The following RGS8 variants were observed in gnomAD, a reference collection of about 807,000 sequenced individuals.
RGS8 encodes regulator of G protein signaling 8.
In RGS8, 8 loss-of-function variants were observed where a neutral mutation model predicts 21.7. The ratio of observed to expected loss-of-function variants is 0.37; its 90% CI spans 0.22 to 0.66. The LOEUF is 0.66. RGS8 is among the 30% of genes least tolerant of loss of function. The probability of loss-of-function intolerance (pLI) is 0.59; values close to 1 mark genes in which losing one functional copy is unlikely to be tolerated. For synonymous variants in RGS8, 80 were observed against 83.6 expected (o/e 0.96, Z 0.24); for missense variants, 157 against 217.9 (o/e 0.72, Z 1.76).
chr1:182,728,875 C>G, the RGS8 span, among the ~76,000 whole-genome samples: 1 of 152,186 alleles, frequency 6.6e-6, no homozygotes, highest in African/African-American at 2.4e-5. Context: ...ATGGTTGTCT[C>G]TGCTAATGCA....
Position 182,653,107 on chromosome 1 carries a change from A to T in RGS8, c.194-4804T>A, listed in dbSNP as rs560606116. On this transcript the variant is annotated intron_variant, in intron 5 of 6. Transcript: ENST00000483095. ...CAGCACTACAAAAGACCAGGAAGAG[A>T]TTATTTCAAGAAGGAAGTGGTCACT... Among the ~76,000 whole-genome samples the T allele has an allele frequency of 5.3e-5, 8 of 152,324 alleles. No individual in the cohort carries two copies. In the East Asian group the frequency reaches 1.5e-3, roughly 29 times the overall value.
At chr1:182,707,969 G>A in the RGS8 span, among the ~76,000 whole-genome samples, 1 of 152,274 alleles carries the variant, frequency 6.6e-6, no homozygotes, top group East Asian at 1.9e-4. Flanking sequence ...GCCTCCCAAA[G>A]TGCTGGGATT....
chr1:182,741,178 G>A, the RGS8 span, among the ~76,000 whole-genome samples: 1 of 122,994 alleles, frequency 8.1e-6, no homozygotes. Context: ...CTGGCCGGGT[G>A]GGGGGCTGAC....
chr1:182,752,211 G>A, the RGS8 span, among the ~76,000 whole-genome samples: 1 of 152,196 alleles, frequency 6.6e-6, no homozygotes, highest in Admixed American at 6.5e-5. Flanking sequence ...GACAGCAGAG[G>A]CTGGGCTGAG....
At chr1:182,708,612 C>T in the RGS8 span, among the ~76,000 whole-genome samples, 86 of 152,362 alleles carry the variant, frequency 5.6e-4, no homozygotes, top group Middle Eastern at 3.4e-3. Flanking sequence ...TGCCTTAGCA[C>T]GGCTCCATCT....
the RGS8 span, among the ~76,000 whole-genome samples, chr1:182,712,118 G>A: frequency 6.6e-6 from 1 of 152,194 alleles, no homozygotes; most frequent in African/African-American, 2.4e-5. Flanking sequence ...ACACATAGTA[G>A]GGGGAAGAGC....
chr1:182,751,937 T>C, the RGS8 span, among the ~76,000 whole-genome samples: 2 of 152,190 alleles, frequency 1.3e-5, no homozygotes, highest in African/African-American at 4.8e-5. Context: ...AATTTGAACA[T>C]CTTCAGGCAA....
At chr1:182,731,020 G>A in the RGS8 span, among the ~76,000 whole-genome samples, 1 of 152,170 alleles carries the variant, frequency 6.6e-6, no homozygotes, top group Non-Finnish European at 1.5e-5. Context: ...AGATCCACCA[G>A]TGGCAGATTT....
At chr1:182,644,452 C>T (rs1222521981), downstream of RGS8, 1 of 152,206 alleles carries the variant, frequency 6.6e-6, no homozygotes, top group Non-Finnish European at 1.5e-5. Context: ...AATTCAGGAT[C>T]CCCAAGCTTG....
the RGS8 span, among the ~76,000 whole-genome samples, chr1:182,732,569 G>A: frequency 3.3e-5 from 5 of 152,306 alleles, no homozygotes; most frequent in African/African-American, 9.6e-5. Flanking sequence ...TGGCCACAAT[G>A]TCTCAGGAGA....
upstream of RGS8, among the ~76,000 whole-genome samples, chr1:182,685,431 G>A (rs1465996): frequency 0.013 from 2,031 of 152,316 alleles, 56 homozygotes; most frequent in African/African-American, 0.045. Flanking sequence ...GGTTCACTGC[G>A]CAGGGCGGAG....
At chr1:182,685,228 A>AAGG (rs1664673880), upstream of RGS8, among the ~76,000 whole-genome samples, 1 of 152,218 alleles carries the variant, frequency 6.6e-6, no homozygotes, top group African/African-American at 2.4e-5. Context: ...TGGTGGTGGC[A>AAGG]AGAACAGGAG....
upstream of RGS8, among the ~76,000 whole-genome samples, chr1:182,675,245 G>T (rs1230245504): frequency 6.6e-6 from 1 of 152,068 alleles, no homozygotes; most frequent in Non-Finnish European, 1.5e-5. Context: ...AGACATTTCT[G>T]GCTTCTTTTT....
intron 5 of RGS8, among the ~76,000 whole-genome samples, chr1:182,648,771 C>T (rs1352086791): frequency 1.3e-5 from 2 of 151,908 alleles, no homozygotes. Context: ...CTCTTAGACA[C>T]AAAAGTGTCC....
At chr1:182,715,453 G>T in the RGS8 span, among the ~76,000 whole-genome samples, 1 of 152,142 alleles carries the variant, frequency 6.6e-6, no homozygotes, top group Non-Finnish European at 1.5e-5. Flanking sequence ...CTGTGTCTAT[G>T]CTTCACCCAG....
chr1:182,700,790 G>T, the RGS8 span, among the ~76,000 whole-genome samples: 3 of 152,288 alleles, frequency 2.0e-5, no homozygotes, highest in East Asian at 5.8e-4. Context: ...TATTCAAAAG[G>T]ACTCTTACAA....
At chr1:182,693,175 G>A in the RGS8 span, among the ~76,000 whole-genome samples, 2 of 152,054 alleles carry the variant, frequency 1.3e-5, no homozygotes, top group African/African-American at 4.8e-5. Context: ...CTATCAACAG[G>A]ATAAACAGAC....
the RGS8 span, among the ~76,000 whole-genome samples, chr1:182,698,741 C>T: frequency 1.3e-5 from 2 of 152,114 alleles, no homozygotes; most frequent in Non-Finnish European, 2.9e-5. Flanking sequence ...TTTTTGGTGT[C>T]CTAAACTCCA....
chr1:182,743,536 A>C, the RGS8 span, among the ~76,000 whole-genome samples: 1 of 152,168 alleles, frequency 6.6e-6, no homozygotes, highest in South Asian at 2.1e-4. Flanking sequence ...ACTCATAGAT[A>C]TTATCATGGT....
Sources: gnomAD v4.1 joint callset for allele counts (sites outside exome capture counted in the v4.1 genomes callset) on GRCh38, gnomAD v4.1.1 for gene constraint, MANE v1.5 for transcripts, NCBI Gene and HGNC (gene_info 2026-07-23, HGNC 2026-07-21) for gene names.